Variants in FSTL5 observed in about 807,000 individuals in gnomAD.
The protein encoded by FSTL5 is follistatin like 5.
A neutral mutation model predicts 89.1 loss-of-function variants in FSTL5; 62 were observed. That is an observed-to-expected ratio of 0.70 (90% CI 0.57 to 0.86). The LOEUF (loss-of-function observed/expected upper bound fraction) is 0.86. Ranked by LOEUF, FSTL5 falls within the 40% of genes least tolerant of loss-of-function variation. The pLI, the probability that FSTL5 is intolerant of heterozygous loss-of-function variation, is 0.00. For synonymous variants in FSTL5, 383 were observed against 346.2 expected, an observed-to-expected ratio of 1.11 and a Z score of -1.18; for missense variants, 1,057 against 1,001.6, an observed-to-expected ratio of 1.06 and a Z score of -0.75.
intron 6 of FSTL5, among the ~76,000 whole-genome samples, chr4:161,702,033 A>G (rs1738409720): frequency 2.6e-5 from 4 of 152,106 alleles, no homozygotes; most frequent in Admixed American, 2.6e-4. Context: ...ATTTAAACCC[A>G]TTTCAAAGGG....
intron 4 of FSTL5, among the ~76,000 whole-genome samples, chr4:161,866,465 AGTGTGTGTGTGTGTGTGTGT>A (rs70937692): frequency 7.6e-6 from 1 of 131,864 alleles, no homozygotes; most frequent in Non-Finnish European, 1.6e-5. Flanking sequence ...TCTAAGCTGT[AGTGTGTGTGTGTGTGTGTGT>A]GTGTGTGTGT....
intron 13 of FSTL5, among the ~76,000 whole-genome samples, chr4:161,476,419 T>A (rs1285427321): frequency 2.0e-5 from 3 of 152,088 alleles, no homozygotes; most frequent in African/African-American, 7.2e-5. Context: ...ACTCCTGACC[T>A]CAGGTGACCC....
chr4:161,833,601 C>T (rs1193258470), intron 4 of FSTL5, among the ~76,000 whole-genome samples: 1 of 151,764 alleles, frequency 6.6e-6, no homozygotes, highest in Admixed American at 6.6e-5. Flanking sequence ...ATAGTTAGCT[C>T]TTCTTGTTGA....
chr4:161,395,677 T>C (rs1299133766), intron 15 of FSTL5, among the ~76,000 whole-genome samples: 2 of 152,042 alleles, frequency 1.3e-5, no homozygotes, highest in Admixed American at 6.6e-5. Flanking sequence ...CTGTGGGAGA[T>C]TTTTTTCTCC....
chr4:162,140,745 G>A (rs1281112424), intron 1 of FSTL5, among the ~76,000 whole-genome samples: 1 of 152,146 alleles, frequency 6.6e-6, no homozygotes, highest in Non-Finnish European at 1.5e-5. Context: ...TTGTTCAAAG[G>A]TAACAGCAGT....
In FSTL5 at chr4:161,404,823, A is replaced by T. The variant is rs966810880; in HGVS notation, c.1842-18374T>A. ...TAAAACAAAAAGTTATGCAATATAT[A>T]AAAAAAAACTAGGAAAGTCGGACCA... is the stretch of plus-strand genomic sequence containing the variant. On this transcript the variant is annotated intron_variant, in intron 15 of 15. Transcript: ENST00000306100. Among the ~76,000 whole-genome samples the T allele has an allele frequency of 2.7e-5, 4 of 149,474 alleles. No homozygotes were observed. In the South Asian group the frequency reaches 6.3e-4, roughly 23 times the overall value.
intron 3 of FSTL5, among the ~76,000 whole-genome samples, chr4:162,018,793 A>T (rs1736990385): frequency 6.6e-6 from 1 of 152,282 alleles, no homozygotes; most frequent in East Asian, 1.9e-4. Context: ...TCTATATTAA[A>T]GGAGTTACAT....
chr4:161,712,718 T>G (rs1390507425), intron 6 of FSTL5, among the ~76,000 whole-genome samples: 2 of 151,594 alleles, frequency 1.3e-5, no homozygotes, highest in African/African-American at 4.9e-5. Flanking sequence ...TTAGTGAGTA[T>G]GTTCTCACTC....
intron 3 of FSTL5, among the ~76,000 whole-genome samples, chr4:161,983,173 A>T (rs1735872824): frequency 6.6e-6 from 1 of 152,196 alleles, no homozygotes. Context: ...ACCATATGTC[A>T]TTCACATCAA....
At chr4:161,866,631 G>A (rs896777807) in intron 4 of FSTL5, among the ~76,000 whole-genome samples, 12 of 151,716 alleles carry the variant, frequency 7.9e-5, no homozygotes, top group Admixed American at 2.6e-4. Flanking sequence ...TGAATACTGA[G>A]TGAATTATTC....
chr4:162,060,254 T>G (rs1027611531), intron 2 of FSTL5, among the ~76,000 whole-genome samples: 4 of 152,148 alleles, frequency 2.6e-5, no homozygotes, highest in African/African-American at 9.7e-5. Flanking sequence ...TATTGTAAAA[T>G]TTTAGAAATA....
At chr4:162,014,863 T>TA (rs1560970886) in intron 3 of FSTL5, among the ~76,000 whole-genome samples, 1 of 152,136 alleles carries the variant, frequency 6.6e-6, no homozygotes, top group Non-Finnish European at 1.5e-5. Context: ...TGGCTTTTCT[T>TA]AAAAAAAGAA....
chr4:161,645,338 T>C (rs1578991836), intron 7 of FSTL5, among the ~76,000 whole-genome samples: 1 of 152,054 alleles, frequency 6.6e-6, no homozygotes, highest in East Asian at 1.9e-4. Flanking sequence ...GAAACTAAAC[T>C]TAAAATTACC....
At chr4:162,154,812 G>GTT (rs58611928) in intron 1 of FSTL5, among the ~76,000 whole-genome samples, 5 of 150,596 alleles carry the variant, frequency 3.3e-5, no homozygotes, top group Admixed American at 6.6e-5. Context: ...AACTATGCAG[G>GTT]TTTTTTTTTA....
intron 1 of FSTL5, among the ~76,000 whole-genome samples, chr4:162,138,035 A>G (rs12513313): frequency 0.23 from 35,291 of 151,922 alleles, 4,294 homozygotes; most frequent in Non-Finnish European, 0.26. Flanking sequence ...AAAGAGAAGC[A>G]AAAGATAAGA....
intron 3 of FSTL5, among the ~76,000 whole-genome samples, chr4:162,013,020 T>C (rs370862277): frequency 9.9e-4 from 151 of 151,970 alleles, no homozygotes; most frequent in Middle Eastern, 3.4e-3. Context: ...CCTGTCTCCA[T>C]TGAAAATACA....
chr4:161,889,100 T>G (rs912893443), intron 4 of FSTL5, among the ~76,000 whole-genome samples: 9 of 152,182 alleles, frequency 5.9e-5, no homozygotes, highest in Non-Finnish European at 1.2e-4. Context: ...ATTTTTAAAA[T>G]GTATCCTTTT....
intron 2 of FSTL5, among the ~76,000 whole-genome samples, chr4:162,053,902 A>T (rs1362834599): frequency 6.6e-6 from 1 of 151,770 alleles, no homozygotes; most frequent in Admixed American, 6.6e-5. Context: ...TTCCTGTTCT[A>T]TGCAAATTTT....
intron 15 of FSTL5, among the ~76,000 whole-genome samples, chr4:161,391,457 A>G (rs1346293467): frequency 6.6e-6 from 1 of 152,212 alleles, no homozygotes; most frequent in African/African-American, 2.4e-5. Flanking sequence ...CGCTGTTTCA[A>G]TGACATCTTC....
Sources: gnomAD v4.1 joint callset for allele counts (sites outside exome capture counted in the v4.1 genomes callset) on GRCh38, gnomAD v4.1.1 for gene constraint, MANE v1.5 for transcripts, NCBI Gene and HGNC (gene_info 2026-07-23, HGNC 2026-07-21) for gene names.